Variants in ROBO1 observed in about 807,000 individuals in gnomAD.
ROBO1 encodes roundabout guidance receptor 1, also known as roundabout homolog 1.
ROBO1 carries 149 observed loss-of-function variants against 195.9 expected under a neutral mutation model. The observed-to-expected ratio is 0.76, with a 90% CI of 0.67 to 0.87. The LOEUF (loss-of-function observed/expected upper bound fraction) is 0.87, where lower values mean the gene tolerates loss of function less well. Ranked by LOEUF, ROBO1 falls within the 40% of genes least tolerant of loss-of-function variation. The pLI, the probability that ROBO1 is intolerant of heterozygous loss-of-function variation, is 0.00. For synonymous variants in ROBO1, 816 were observed against 733.2 expected (o/e 1.11, Z -1.82); for missense variants, 1,933 against 2,068.3 (o/e 0.93, Z 1.27).
chr3:79,485,747 C>T (rs534802787), intron 2 of ROBO1, among the ~76,000 whole-genome samples: 25 of 152,302 alleles, frequency 1.6e-4, no homozygotes, highest in Admixed American at 2.0e-4. Flanking sequence ...ATATTGTCAA[C>T]CGCAGACACA....
chr3:79,512,490 C>T (rs1940759482), intron 2 of ROBO1, among the ~76,000 whole-genome samples: 1 of 152,158 alleles, frequency 6.6e-6, no homozygotes, highest in Non-Finnish European at 1.5e-5. Context: ...TGCTGTGCAA[C>T]TAAACTTCTG....
chr3:79,639,378 G>C (rs1470122012), intron 1 of ROBO1, among the ~76,000 whole-genome samples: 2 of 152,038 alleles, frequency 1.3e-5, no homozygotes, highest in African/African-American at 4.8e-5. Context: ...GGACTGTTTT[G>C]AAGTGAGTAA....
chr3:79,425,135 G>A (rs902573609), intron 2 of ROBO1, among the ~76,000 whole-genome samples: 2 of 152,056 alleles, frequency 1.3e-5, no homozygotes, highest in African/African-American at 4.8e-5. Context: ...TTCAATAAAT[G>A]CATATGACTA....
intron 2 of ROBO1, among the ~76,000 whole-genome samples, chr3:79,458,673 G>T (rs1029571051): frequency 1.4e-4 from 21 of 151,690 alleles, no homozygotes; most frequent in Non-Finnish European, 2.8e-4. Context: ...AACAAAGATA[G>T]AAATATTAAA....
Position 79,150,813 on chromosome 3 carries a change from A to G in ROBO1, c.89-25274T>C, listed in dbSNP as rs2080752834. ...TATCTTGACTTCCATGCCCACCACC[A>G]ATACACATACACACCAAATCTCACT... On this transcript the variant is annotated intron_variant, in intron 2 of 30. Coordinates refer to ENST00000464233, the MANE Select transcript of ROBO1 (RefSeq NM_002941.4). Among the ~76,000 whole-genome samples, 6 of 151,804 alleles carry G rather than the reference A, an allele frequency of 4.0e-5. No homozygotes were observed. The South Asian group carries it at 1.2e-3, about 31-fold the overall frequency.
chr3:79,286,082 A>G (rs962113413), intron 2 of ROBO1, among the ~76,000 whole-genome samples: 7 of 152,206 alleles, frequency 4.6e-5, no homozygotes, highest in African/African-American at 1.7e-4. Flanking sequence ...CCCAAAATAT[A>G]AGCAAGGCAG....
chr3:79,507,726 A>G (rs1236448826), intron 2 of ROBO1, among the ~76,000 whole-genome samples: 1 of 152,112 alleles, frequency 6.6e-6, no homozygotes, highest in African/African-American at 2.4e-5. Context: ...ATTTTTCTTC[A>G]CAATATAACA....
intron 3 of ROBO1, among the ~76,000 whole-genome samples, chr3:78,944,070 G>T (rs9822620): frequency 0.13 from 19,233 of 152,198 alleles, 3,150 homozygotes; most frequent in African/African-American, 0.38. Context: ...ACCATCTTCT[G>T]TATTACAACA....
Position 78,938,850 on chromosome 3 carries a change from G to A in ROBO1, c.250C>T (p.Pro84Ser). The part of the protein sequence containing the change: ...PSDLIVSKGE[P>S]ATLNCKAEGR... ...TCAGCTTTGCAGTTCAAAGTTGCAG[G>A]TTCTCCTTTTGAGACAATCAGGTCT... The change falls in exon 4 of 31, where the codon CCT becomes TCT. Residue 84 changes from proline to serine, a missense_variant. Pro to Ser is a moderately conservative substitution (Grantham distance 74, BLOSUM62 -1). Transcript: ENST00000464233. The A allele has an allele frequency of 6.2e-7, 1 of 1,613,982 alleles. No individual in the cohort carries two copies. The highest frequency in any genetic ancestry group is 8.5e-7 in the Non-Finnish European group (1 of 1,179,886).
chr3:79,703,915 G>T (rs2107177578), intron 1 of ROBO1, among the ~76,000 whole-genome samples: 1 of 152,098 alleles, frequency 6.6e-6, no homozygotes, highest in South Asian at 2.1e-4. Flanking sequence ...GAAGAAAAAT[G>T]AATAGATGGT....
chr3:78,893,254 A>T (rs540188436), intron 4 of ROBO1, among the ~76,000 whole-genome samples: 83 of 152,338 alleles, frequency 5.4e-4, no homozygotes, highest in South Asian at 2.5e-3. Flanking sequence ...TGATTAGGCC[A>T]TGAGCGCTCC....
At chr3:78,999,172 G>A (rs1420431469) in intron 3 of ROBO1, among the ~76,000 whole-genome samples, 1 of 151,922 alleles carries the variant, frequency 6.6e-6, no homozygotes, top group Non-Finnish European at 1.5e-5. Context: ...ATTTTTCAAA[G>A]AACTTAGAAC....
chr3:79,670,141 T>A (rs745975125), intron 1 of ROBO1, among the ~76,000 whole-genome samples: 1 of 151,920 alleles, frequency 6.6e-6, no homozygotes, highest in Admixed American at 6.6e-5. Context: ...GGGATAAGAA[T>A]CTATATTATT....
chr3:79,761,459 A>G (rs78333883), intron 1 of ROBO1, among the ~76,000 whole-genome samples: 11,914 of 152,210 alleles, frequency 0.078, 548 homozygotes, highest in Non-Finnish European at 0.11. Flanking sequence ...GAAAACTTCA[A>G]TATTACATTT....
At chr3:79,377,109 C>A (rs2036412117) in intron 2 of ROBO1, among the ~76,000 whole-genome samples, 1 of 151,980 alleles carries the variant, frequency 6.6e-6, no homozygotes, top group South Asian at 2.1e-4. Flanking sequence ...AAACATAACA[C>A]CTACTTATTG....
chr3:78,604,712 G>A (rs554765862), intron 29 of ROBO1, among the ~76,000 whole-genome samples: 1 of 152,192 alleles, frequency 6.6e-6, no homozygotes, highest in African/African-American at 2.4e-5. Context: ...CCTCTGTGTT[G>A]AAAAGAAGTT....
intron 1 of ROBO1, among the ~76,000 whole-genome samples, chr3:79,735,015 A>G (rs1560143098): frequency 6.6e-6 from 1 of 152,198 alleles, no homozygotes; most frequent in Admixed American, 6.5e-5. Context: ...TTGCATTAAA[A>G]TCCATTTTCT....
chr3:79,045,829 G>A (rs927623915), intron 3 of ROBO1, among the ~76,000 whole-genome samples: 2 of 152,102 alleles, frequency 1.3e-5, no homozygotes, highest in African/African-American at 4.8e-5. Context: ...AGGAACAAAA[G>A]CTTTCTCTAG....
intron 1 of ROBO1, among the ~76,000 whole-genome samples, chr3:79,645,350 A>C (rs962765363): frequency 1.3e-5 from 2 of 151,924 alleles, no homozygotes; most frequent in African/African-American, 4.8e-5. Flanking sequence ...AAAAATAAAA[A>C]AATTAGCCAG....
Sources: allele counts gnomAD v4.1 joint callset (sites outside exome capture counted in the v4.1 genomes callset), GRCh38; gene constraint gnomAD v4.1.1; transcripts MANE v1.5; gene names NCBI Gene and HGNC (gene_info 2026-07-23, HGNC 2026-07-21).